GCSAML: variants seen among roughly 807,000 people sequenced by gnomAD.
GCSAML encodes the protein germinal center associated signaling and motility like.
A neutral mutation model predicts 13.0 loss-of-function variants in GCSAML; 9 were observed. The ratio of observed to expected loss-of-function variants is 0.69; its 90% CI spans 0.42 to 1.21. The LOEUF (loss-of-function observed/expected upper bound fraction) is 1.21. Among genes scored for constraint, GCSAML ranks in the 50% most tolerant of loss-of-function variants. GCSAML has a pLI of 0.00. For missense variants in GCSAML, 143 were observed against 153.4 expected (o/e 0.93, Z 0.36); for synonymous variants, 37 against 52.9 (o/e 0.70, Z 1.31).
chr1:247,507,587 C>T (rs10802517), intron 1 of GCSAML, among the ~76,000 whole-genome samples: 144,269 of 152,192 alleles, frequency 0.95, 68,852 homozygotes, highest in East Asian at 1. Context: ...GTTTGTTAAG[C>T]ATGTATACAC....
intron 2 of GCSAML, among the ~76,000 whole-genome samples, chr1:247,541,860 A>G (rs1291057443): frequency 6.6e-6 from 1 of 151,882 alleles, no homozygotes; most frequent in Non-Finnish European, 1.5e-5. Context: ...AAACACAAAA[A>G]TTAGCCAGGC....
chr1:247,523,153 G>A (rs919889928), intron 1 of GCSAML, among the ~76,000 whole-genome samples: 5 of 152,092 alleles, frequency 3.3e-5, no homozygotes, highest in South Asian at 2.1e-4. Context: ...CAGAACAGAT[G>A]CCCCTTCAAC....
chr1:247,568,937 G>C (rs1237569308), intron 4 of GCSAML, among the ~76,000 whole-genome samples: 1 of 151,572 alleles, frequency 6.6e-6, no homozygotes, highest in Non-Finnish European at 1.5e-5. Context: ...TCTTTGTATT[G>C]TGAATACAAA....
At chr1:247,543,331 C>T (rs1667468258) in intron 2 of GCSAML, among the ~76,000 whole-genome samples, 1 of 152,166 alleles carries the variant, frequency 6.6e-6, no homozygotes. Flanking sequence ...TTGAGAGAGA[C>T]AGAACACACA....
At chr1:247,557,247 A>G (rs1428649989) in intron 2 of GCSAML, among the ~76,000 whole-genome samples, 3 of 152,092 alleles carry the variant, frequency 2.0e-5, no homozygotes, top group Non-Finnish European at 4.4e-5. Flanking sequence ...ATGTCGTTTG[A>G]GCTCTTTATA....
intron 1 of GCSAML, among the ~76,000 whole-genome samples, chr1:247,511,644 A>G (rs1172405574): frequency 6.6e-6 from 1 of 152,214 alleles, no homozygotes; most frequent in African/African-American, 2.4e-5. Flanking sequence ...ATGCTTTTGC[A>G]GAGGCTGGTA....
chr1:247,530,512 T>A (rs1666880672), intron 2 of GCSAML: 2 of 96,248 alleles, frequency 2.1e-5, no homozygotes, highest in Non-Finnish European at 2.3e-5. Flanking sequence ...ACAAACACCA[T>A]GCCATCCCCC....
At chr1:247,514,047 C>A (rs931697289) in intron 1 of GCSAML, among the ~76,000 whole-genome samples, 3 of 151,952 alleles carry the variant, frequency 2.0e-5, no homozygotes, top group Non-Finnish European at 1.5e-5. Context: ...GTGGTGTGAT[C>A]TTGGCTCACT....
chr1:247,573,022 C>A (rs904716372), intron 4 of GCSAML, among the ~76,000 whole-genome samples: 1 of 152,196 alleles, frequency 6.6e-6, no homozygotes, highest in African/African-American at 2.4e-5. Flanking sequence ...CCCCTTCCCC[C>A]ACCAAGCTCG....
At chr1:247,556,755 G>A (rs1667967731) in intron 2 of GCSAML, among the ~76,000 whole-genome samples, 1 of 152,104 alleles carries the variant, frequency 6.6e-6, no homozygotes. Context: ...ATATGTGGTG[G>A]CCATATTTCC....
intron 2 of GCSAML, among the ~76,000 whole-genome samples, chr1:247,535,508 A>T (rs1667185130): frequency 6.6e-6 from 1 of 152,202 alleles, no homozygotes; most frequent in Non-Finnish European, 1.5e-5. Flanking sequence ...AACAGGTTAA[A>T]CTGACAACTG....
At chr1:247,546,613 G>A (rs914990922), upstream of GCSAML, among the ~76,000 whole-genome samples, 7 of 151,888 alleles carry the variant, frequency 4.6e-5, no homozygotes, top group African/African-American at 4.8e-5. Flanking sequence ...CACCCGCCTC[G>A]GCCTGCCAAA....
intron 1 of GCSAML, among the ~76,000 whole-genome samples, chr1:247,508,686 G>T (rs1324824973): frequency 6.6e-6 from 1 of 152,120 alleles, no homozygotes; most frequent in African/African-American, 2.4e-5. Context: ...GTTAATTTTT[G>T]TTTAAAGTGT....
At chr1:247,572,918 G>A (rs2103080947) in intron 4 of GCSAML, among the ~76,000 whole-genome samples, 1 of 152,330 alleles carries the variant, frequency 6.6e-6, no homozygotes, top group South Asian at 2.1e-4. Context: ...GCTTTGTGGT[G>A]TTGGAGTGGG....
At chr1:247,562,118 A>G (rs1284334004) in intron 2 of GCSAML, among the ~76,000 whole-genome samples, 1 of 152,210 alleles carries the variant, frequency 6.6e-6, no homozygotes, top group Admixed American at 6.5e-5. Flanking sequence ...AAAAGCTGAG[A>G]TACCTTGAAG....
intron 1 of GCSAML, among the ~76,000 whole-genome samples, chr1:247,522,978 TAACA>T (rs1666512112): frequency 2.6e-5 from 4 of 151,390 alleles, no homozygotes; most frequent in Admixed American, 2.0e-4. Flanking sequence ...CTGAGTGCTC[TAACA>T]AATACTGCTT....
chr1:247,562,199 A>G (rs1668155728), intron 2 of GCSAML, among the ~76,000 whole-genome samples: 1 of 152,174 alleles, frequency 6.6e-6, no homozygotes, highest in South Asian at 2.1e-4. Flanking sequence ...TGTTTAAGGA[A>G]GCAAAGCTTT....
At chr1:247,558,263 CT>C (rs1281875191) in intron 2 of GCSAML, among the ~76,000 whole-genome samples, 2 of 152,108 alleles carry the variant, frequency 1.3e-5, no homozygotes, top group Non-Finnish European at 2.9e-5. Flanking sequence ...AGGATGATGT[CT>C]ATTGAATAAA....
At chr1:247,513,785 G>A (rs73144561) in intron 1 of GCSAML, among the ~76,000 whole-genome samples, 3,683 of 152,172 alleles carry the variant, frequency 0.024, 149 homozygotes, top group African/African-American at 0.083. Flanking sequence ...GACCCTTTGC[G>A]CTTCCTGGGT....
Sources: allele counts gnomAD v4.1 joint callset (sites outside exome capture counted in the v4.1 genomes callset), GRCh38; gene constraint gnomAD v4.1.1; transcripts MANE v1.5; gene names NCBI Gene and HGNC (gene_info 2026-07-23, HGNC 2026-07-21).